GDAP2: variants seen among roughly 807,000 people sequenced by gnomAD.
The protein encoded by GDAP2 is ganglioside induced differentiation associated protein 2.
GDAP2 carries 51 observed loss-of-function variants against 67.0 expected under a neutral mutation model. That is an observed-to-expected ratio of 0.76 (90% CI 0.61 to 0.96). GDAP2 has a LOEUF of 0.96. GDAP2 is among the 40% of genes least tolerant of loss of function. The pLI is 0.00. For missense variants in GDAP2, 547 were observed against 588.3 expected (o/e 0.93, Z 0.73); for synonymous variants, 203 against 207.3 (o/e 0.98, Z 0.18).
At chr1:117,917,517 A>C (rs1229469520) in intron 3 of GDAP2, among the ~76,000 whole-genome samples, 10 of 152,208 alleles carry the variant, frequency 6.6e-5, no homozygotes, top group Non-Finnish European at 1.5e-4. Flanking sequence ...ATATTTATTA[A>C]GCTCTTACTA....
At chr1:117,876,244 T>C (rs1355810094) in intron 13 of GDAP2, among the ~76,000 whole-genome samples, 1 of 152,104 alleles carries the variant, frequency 6.6e-6, no homozygotes, top group Non-Finnish European at 1.5e-5. Context: ...CTGTGAAAGC[T>C]GGTTGTTAAA....
chr1:117,905,686 C>G (rs552390727), intron 6 of GDAP2, among the ~76,000 whole-genome samples: 1 of 152,108 alleles, frequency 6.6e-6, no homozygotes, highest in African/African-American at 2.4e-5. Flanking sequence ...ATATAGCAAA[C>G]CTGTTACATG....
At chr1:117,913,381 G>A (rs1649930508) in intron 3 of GDAP2, 1 of 151,738 alleles carries the variant, frequency 6.6e-6, no homozygotes, top group Non-Finnish European at 1.5e-5. Context: ...CCCTCCCCCA[G>A]CCAGCACAGT....
At position 117,882,257 on chromosome 1, in the gene GDAP2, C is replaced by T. The variant is rs540337014; in HGVS notation, c.1248-380G>A. 8.5e-5 allele frequency among the ~76,000 whole-genome samples: 13 copies of T among 152,064 alleles called. No individual in the cohort carries two copies. The South Asian group carries it at 1.5e-3, about 17-fold the overall frequency. On this transcript the variant is annotated intron_variant, in intron 11 of 13. Coordinates refer to ENST00000369443, the MANE Select transcript of GDAP2 (RefSeq NM_017686.4). ...TAGCAAAATTTTAAACTAAAAGTTT[C>T]AATGGTCATATTACAACAACAGATT... is the stretch of plus-strand genomic sequence containing the variant.
chr1:117,890,086 G>C (rs191281462), intron 8 of GDAP2, among the ~76,000 whole-genome samples: 24 of 152,134 alleles, frequency 1.6e-4, no homozygotes, highest in Non-Finnish European at 3.4e-4. Flanking sequence ...ATTACAGTAC[G>C]AAGAAAATTA....
chr1:117,905,018 T>C (rs557877218), intron 6 of GDAP2, among the ~76,000 whole-genome samples: 1 of 152,288 alleles, frequency 6.6e-6, no homozygotes, highest in South Asian at 2.1e-4. Context: ...TTAACTCCTT[T>C]TCCCGTATGT....
rs530842314 is a variant in GDAP2 at position 117,887,731 on chromosome 1, C to A, written c.997G>T (p.Asp333Tyr). The change falls in exon 9 of 14, where the codon GAT (aspartate) becomes TAT (tyrosine). Residue 333 changes from aspartate to tyrosine, a missense_variant. Coordinates refer to ENST00000369443, the MANE Select transcript of GDAP2 (RefSeq NM_017686.4). ...TATAAGGCTTTTAGAGAAGCAATAT[C>A]AGACAGATCCTCAGATCTTGCTTGA... ...LCQARSEDLS[D>Y]IASLKALYQT... 6.3e-7 allele frequency: 1 copy of A among 1,579,826 alleles called. No homozygotes were observed. Among genetic ancestry groups the A allele is most frequent in the African/African-American group, 1.3e-5 (1 of 74,306 alleles).
intron 3 of GDAP2, among the ~76,000 whole-genome samples, chr1:117,912,917 T>A (rs1044417143): frequency 1.4e-4 from 21 of 152,138 alleles, no homozygotes; most frequent in African/African-American, 5.1e-4. Context: ...ATGAAGCAGA[T>A]AAGCATCATC....
chr1:117,906,131 G>T (rs1221706168), intron 6 of GDAP2, among the ~76,000 whole-genome samples: 10 of 152,032 alleles, frequency 6.6e-5, no homozygotes, highest in Non-Finnish European at 1.5e-5. Flanking sequence ...ACTAGACTAG[G>T]CTGTCACCTG....
intron 13 of GDAP2, 29 bp downstream of exon 13, chr1:117,877,980 G>C (rs1648522876): frequency 6.2e-7 from 1 of 1,612,238 alleles, no homozygotes; most frequent in Non-Finnish European, 8.5e-7. Context: ...TACCATACCA[G>C]GTGAGGGAGA....
At chr1:117,915,617 T>C (rs1245416397) in intron 3 of GDAP2, among the ~76,000 whole-genome samples, 1 of 152,188 alleles carries the variant, frequency 6.6e-6, no homozygotes, top group East Asian at 1.9e-4. Flanking sequence ...ATACACATAA[T>C]TATTTTGGTA....
At chr1:117,925,191 A>G (rs115711951) in intron 1 of GDAP2, among the ~76,000 whole-genome samples, 6,059 of 152,238 alleles carry the variant, frequency 0.04, 171 homozygotes, top group Non-Finnish European at 0.063. Flanking sequence ...AGTGGCTCAC[A>G]CCTGTAATCC....
intron 6 of GDAP2, among the ~76,000 whole-genome samples, chr1:117,906,301 A>T (rs1355245337): frequency 6.6e-6 from 1 of 152,222 alleles, no homozygotes; most frequent in Non-Finnish European, 1.5e-5. Context: ...GTTATAAAAA[A>T]TATGAACGAA....
Position 117,870,500 on chromosome 1 carries a change from A to AC in GDAP2, c.*68dup. 5 of 935,734 alleles carry AC rather than the reference A, an allele frequency of 5.3e-6. No homozygotes were observed. Among genetic ancestry groups the AC allele is most frequent in the Non-Finnish European group, 8.9e-6 (5 of 561,092 alleles). The allele number at this position is 935,734 out of a possible 1,614,324, so 58.0% of individuals were successfully genotyped here. A position where few individuals can be genotyped will look rare whatever the true frequency, so the allele number is the denominator to read the frequency against. On this transcript the variant is annotated 3_prime_UTR_variant, in exon 14 of 14. Coordinates refer to ENST00000369443, the MANE Select transcript of GDAP2 (RefSeq NM_017686.4). ...GATCTGTACAGCAACAATGAATATC[A>AC]CTTCAACAGGTAGCTATTCGTGGAG... is the stretch of plus-strand genomic sequence containing the variant.
At chr1:117,901,449 T>C (rs1224766631) in intron 6 of GDAP2, among the ~76,000 whole-genome samples, 1 of 152,244 alleles carries the variant, frequency 6.6e-6, no homozygotes, top group East Asian at 1.9e-4. Context: ...CAGACTGTTT[T>C]CCAAAGTAGT....
intron 8 of GDAP2, among the ~76,000 whole-genome samples, chr1:117,890,458 A>G (rs1000108078): frequency 7.2e-5 from 11 of 151,924 alleles, no homozygotes; most frequent in African/African-American, 2.7e-4. Context: ...TCTGAAAAAA[A>G]TTTTTTTTAA....
chr1:117,893,134 T>C (rs376334537), intron 8 of GDAP2, among the ~76,000 whole-genome samples: 9 of 152,162 alleles, frequency 5.9e-5, no homozygotes, highest in Admixed American at 3.3e-4. Context: ...ATGAAAAAGA[T>C]AATGATTTTG....
intron 13 of GDAP2, chr1:117,877,487 G>A (rs939224676): frequency 1.0e-6 from 1 of 973,486 alleles, no homozygotes; most frequent in African/African-American, 1.8e-5. Flanking sequence ...TGTGACTAGT[G>A]CTTATGTAAC....
chr1:117,892,494 G>A (rs1276200258), intron 8 of GDAP2, among the ~76,000 whole-genome samples: 1 of 151,948 alleles, frequency 6.6e-6, no homozygotes, highest in Non-Finnish European at 1.5e-5. Context: ...TTTCCTACAG[G>A]ATATTTCCTA....
Sources: gnomAD v4.1 joint callset for allele counts (sites outside exome capture counted in the v4.1 genomes callset) on GRCh38, gnomAD v4.1.1 for gene constraint, MANE v1.5 for transcripts, NCBI Gene and HGNC (gene_info 2026-07-23, HGNC 2026-07-21) for gene names.